FBXL17: variants seen among roughly 807,000 people sequenced by gnomAD.
FBXL17 encodes the protein F-box and leucine rich repeat protein 17.
In FBXL17, 22 loss-of-function variants were observed where a neutral mutation model predicts 66.2. The ratio of observed to expected loss-of-function variants is 0.33; its 90% confidence interval spans 0.24 to 0.47. The LOEUF (loss-of-function observed/expected upper bound fraction) is 0.47, where lower values mean the gene tolerates loss of function less well. Among genes scored for constraint, FBXL17 ranks in the 20% least tolerant of loss-of-function variants. FBXL17 has a pLI of 1.00. For missense variants in FBXL17, 878 were observed against 948.2 expected (o/e 0.93, Z 0.97); for synonymous variants, 474 against 400.5 (o/e 1.18, Z -2.19).
intron 3 of FBXL17, among the ~76,000 whole-genome samples, chr5:108,357,922 T>C (rs775826870): frequency 2.6e-5 from 4 of 152,038 alleles, no homozygotes; most frequent in Admixed American, 2.0e-4. Context: ...AAAAGCAGTG[T>C]TTAAAGGCAA....
At chr5:108,212,155 A>G (rs2966815) in intron 5 of FBXL17, among the ~76,000 whole-genome samples, 51,956 of 151,920 alleles carry the variant, frequency 0.34, 9,052 homozygotes, top group Middle Eastern at 0.41. Flanking sequence ...AAGTTCTCAT[A>G]CTGTGTTTTT....
chr5:108,233,898 G>A (rs1755480945), intron 4 of FBXL17, among the ~76,000 whole-genome samples: 2 of 152,084 alleles, frequency 1.3e-5, no homozygotes, highest in South Asian at 4.1e-4. Context: ...GGAGAATGTT[G>A]GTTCTCATAA....
intron 5 of FBXL17, among the ~76,000 whole-genome samples, chr5:108,203,336 A>G (rs1386885779): frequency 6.6e-6 from 1 of 152,136 alleles, no homozygotes; most frequent in Non-Finnish European, 1.5e-5. Context: ...TAGGTCATAC[A>G]ATCAGTAATC....
intron 6 of FBXL17, among the ~76,000 whole-genome samples, chr5:108,151,006 T>C (rs559983924): frequency 3.7e-4 from 57 of 152,200 alleles, no homozygotes; most frequent in Non-Finnish European, 7.1e-4. Flanking sequence ...CTTTTGGTTG[T>C]TACATTAACC....
intron 4 of FBXL17, among the ~76,000 whole-genome samples, chr5:108,303,224 A>T (rs1183008403): frequency 6.6e-6 from 1 of 151,844 alleles, no homozygotes; most frequent in Non-Finnish European, 1.5e-5. Context: ...AGTAAACCAC[A>T]ATGTATGACG....
intron 4 of FBXL17, among the ~76,000 whole-genome samples, chr5:108,340,927 C>G (rs1288347095): frequency 1.3e-5 from 2 of 151,986 alleles, no homozygotes; most frequent in African/African-American, 4.8e-5. Context: ...TTTCAATTAC[C>G]AGTAGAGAGT....
intron 3 of FBXL17, among the ~76,000 whole-genome samples, chr5:108,359,816 T>C (rs1444597413): frequency 6.6e-6 from 1 of 152,142 alleles, no homozygotes; most frequent in African/African-American, 2.4e-5. Flanking sequence ...AGTGGGTTCA[T>C]GGTACTGTTC....
chr5:107,975,860 T>G (rs113354775), intron 7 of FBXL17, among the ~76,000 whole-genome samples: 81,461 of 130,106 alleles, frequency 0.63, 22,878 homozygotes, highest in South Asian at 0.67. Flanking sequence ...TGTTGTTGTT[T>G]TTTTTTTTTT....
chr5:108,020,702 A>C (rs1459251773), intron 7 of FBXL17: 2 of 405,762 alleles, frequency 4.9e-6, no homozygotes, highest in South Asian at 4.0e-5. Context: ...ACATGTGTGC[A>C]TGTGTGTGTG....
intron 7 of FBXL17, among the ~76,000 whole-genome samples, chr5:107,881,909 A>C (rs1475089090): frequency 1.3e-5 from 2 of 152,188 alleles, no homozygotes; most frequent in Admixed American, 6.5e-5. Context: ...TACCACCACT[A>C]AAGTGCAGAC....
At chr5:108,065,956 T>G (rs751900530) in intron 6 of FBXL17, among the ~76,000 whole-genome samples, 1 of 152,100 alleles carries the variant, frequency 6.6e-6, no homozygotes, top group African/African-American at 2.4e-5. Context: ...CCAAAACTAA[T>G]GGTACATGAG....
Position 108,358,824 on chromosome 5 carries a change from T to C in FBXL17, c.1374+5914A>G, listed in dbSNP as rs181439881. Among the ~76,000 whole-genome samples the C allele has an allele frequency of 3.0e-3, 450 of 152,244 alleles. 3 individuals are homozygous for C. Among genetic ancestry groups the C allele is most frequent in the Non-Finnish European group, 4.6e-3 (315 of 68,008 alleles). ...AGCTATGGTCCTTAGTCTTTCTTCA[T>C]TGGAAATTTTTTTAACTGATTCAAT... is the stretch of plus-strand genomic sequence containing the variant. On this transcript the variant is annotated intron_variant, in intron 3 of 8. Transcript: ENST00000542267.
In FBXL17 at chr5:108,367,937, G is replaced by A. The variant is rs1748777193; in HGVS notation, c.1010C>T (p.Ser337Leu). ...TGCGGAAAGGCAACGCTCATCCAGT[G>A]ACAAATTGGAAAATATCTGTGAATA... Reference protein sequence around the residue: ...SILLKIFSNLSLDERCLSASL... With the variant: ...SILLKIFSNLLLDERCLSASL... The change falls in exon 2 of 9, where the codon TCA (serine) becomes TTA (leucine). Residue 337 changes from serine (S) to leucine (L), a missense_variant. By Grantham distance (145) the Ser-to-Leu change is moderately radical (BLOSUM62 -2). Coordinates refer to ENST00000542267, the MANE Select transcript of FBXL17 (RefSeq NM_001163315.3). The A allele has an allele frequency of 6.5e-7, 1 of 1,550,240 alleles. No homozygotes were observed. Among genetic ancestry groups the A allele is most frequent in the Admixed American group, 2.0e-5 (1 of 50,832 alleles).
At chr5:108,161,157 A>ATACATAC (rs1752197218) in intron 6 of FBXL17, among the ~76,000 whole-genome samples, 1 of 98,594 alleles carries the variant, frequency 1.0e-5, no homozygotes, top group Non-Finnish European at 2.1e-5. Context: ...TTAATCAACA[A>ATACATAC]ATAGATACAT....
intron 4 of FBXL17, among the ~76,000 whole-genome samples, chr5:108,311,076 G>A (rs775670293): frequency 2.6e-5 from 4 of 152,200 alleles, no homozygotes; most frequent in East Asian, 1.9e-4. Context: ...TGAGGGAAAA[G>A]TAAGTGTCAC....
At chr5:107,971,284 C>G (rs1752363260) in intron 7 of FBXL17, among the ~76,000 whole-genome samples, 3 of 152,168 alleles carry the variant, frequency 2.0e-5, no homozygotes, top group Non-Finnish European at 1.5e-5. Context: ...GAGCACACCC[C>G]TCCACATCTG....
intron 7 of FBXL17, among the ~76,000 whole-genome samples, chr5:107,961,927 T>C (rs1420996359): frequency 6.6e-6 from 1 of 152,132 alleles, no homozygotes; most frequent in African/African-American, 2.4e-5. Flanking sequence ...ATTTTTAAAA[T>C]GATACTTTTA....
intron 6 of FBXL17, among the ~76,000 whole-genome samples, chr5:108,132,060 T>C (rs1750956478): frequency 6.6e-6 from 1 of 151,236 alleles, no homozygotes; most frequent in Non-Finnish European, 1.5e-5. Flanking sequence ...CATCGCAACC[T>C]CCGCCTCCCA....
At chr5:108,164,061 A>G (rs1752321186) in intron 6 of FBXL17, among the ~76,000 whole-genome samples, 1 of 152,262 alleles carries the variant, frequency 6.6e-6, no homozygotes, top group Non-Finnish European at 1.5e-5. Flanking sequence ...AAATCAAACT[A>G]TAAAATTACT....
Sources: allele counts gnomAD v4.1 joint callset (sites outside exome capture counted in the v4.1 genomes callset), GRCh38; gene constraint gnomAD v4.1.1; transcripts MANE v1.5; gene names NCBI Gene and HGNC (gene_info 2026-07-23, HGNC 2026-07-21).